Variants in HERC1 observed in about 807,000 individuals in gnomAD.
HERC1 encodes HECT and RLD domain containing E3 ubiquitin protein ligase family member 1.
Under a neutral mutation model 554.3 loss-of-function variants are expected in HERC1, and 160 were observed. That is an observed-to-expected ratio of 0.29 (90% CI 0.25 to 0.33). The LOEUF (loss-of-function observed/expected upper bound fraction) is 0.33, where lower values mean the gene tolerates loss of function less well. Ranked by LOEUF, HERC1 falls within the 10% of genes least tolerant of loss-of-function variation. HERC1 has a pLI of 1.00. For missense variants in HERC1, 4,919 were observed against 5,918.5 expected, an observed-to-expected ratio of 0.83 and a Z score of 5.54; for synonymous variants, 2,175 against 2,131.7, an observed-to-expected ratio of 1.02 and a Z score of -0.56.
rs35122568 is a variant in HERC1 at position 63,666,028 on chromosome 15, C to T, written c.8446G>A (p.Ala2816Thr). ...TTCCCGCCACTGCCTAGAACGGCTGCTCCAGGCCTAGAGTCTGCTGTGCTG... is the reference window on the plus strand; with the variant it reads ...TTCCCGCCACTGCCTAGAACGGCTGTTCCAGGCCTAGAGTCTGCTGTGCTG... ...SGSTADSRPGAAVLGSGGKSN... is the reference protein window; with the variant it reads ...SGSTADSRPGTAVLGSGGKSN... The change falls in exon 42 of 78, where the codon GCA (alanine) becomes ACA (threonine). Residue 2816 changes from alanine to threonine, a missense_variant. By Grantham distance (58) the Ala-to-Thr change is moderately conservative. Around this residue, in one of 11 missense-constraint regions of HERC1, gnomAD observed 1,963 missense variants for 2,228.6 expected, o/e 0.88. Coordinates refer to ENST00000443617, the MANE Select transcript of HERC1 (RefSeq NM_003922.4). 9.2e-4 allele frequency: 1,478 copies of T among 1,614,044 alleles called. 12 individuals are homozygous for T. The African/African-American group carries it at 0.017, about 19-fold the overall frequency.
chr15:63,637,192 G>A, intron 64 of HERC1: 1 of 489,286 alleles, frequency 2.0e-6, no homozygotes, highest in African/African-American at 1.9e-5. Flanking sequence ...TGAAATACAT[G>A]CATGATTGCT....
intron 25 of HERC1, among the ~76,000 whole-genome samples, chr15:63,705,777 C>G (rs1203763940): frequency 6.6e-6 from 1 of 152,046 alleles, no homozygotes; most frequent in African/African-American, 2.4e-5. Flanking sequence ...ATACAATAAT[C>G]CCAGCACTTT....
At position 63,727,533 on chromosome 15, in the gene HERC1, A is replaced by T. The variant is rs1200988064; in HGVS notation, c.3346+114T>A. 4.6e-6 allele frequency: 3 copies of T among 652,204 alleles called. No homozygotes were observed. The African/African-American group carries it at 5.4e-5, about 12-fold the overall frequency. 40.4% of individuals were successfully genotyped at this position (652,204 alleles called of 1,614,324 possible). A position where few individuals can be genotyped will look rare whatever the true frequency, so the allele number is the denominator to read the frequency against. ...AAAGCTTTTAAGATTTCAGTGATGA[A>T]ATTCCTTTGATAGCCTTAGGATAGA... On this transcript the variant is annotated intron_variant, in intron 17 of 77. Coordinates refer to ENST00000443617, the MANE Select transcript of HERC1 (RefSeq NM_003922.4). This position sits in a 1 kb window ranked among gnomAD's most constrained non-coding sequence, Gnocchi z 4.3.
At chr15:63,776,757 G>GGAGTTT (rs970335145) in intron 1 of HERC1, among the ~76,000 whole-genome samples, 30 of 152,106 alleles carry the variant, frequency 2.0e-4, no homozygotes, top group African/African-American at 7.0e-4. Context: ...CTTGAGCTCA[G>GGAGTTT]GAGTTTGAGA....
At chr15:63,795,264 TG>T (rs901390044) in intron 1 of HERC1, among the ~76,000 whole-genome samples, 13 of 152,092 alleles carry the variant, frequency 8.5e-5, no homozygotes, top group African/African-American at 3.1e-4. Flanking sequence ...CCTTTTTCAA[TG>T]GTTTTATTAA....
rs571268908 is a variant in HERC1 at position 63,657,263 on chromosome 15, T to G, written c.9600-905A>C. On this transcript the variant is annotated intron_variant, in intron 48 of 77. Coordinates refer to ENST00000443617, the MANE Select transcript of HERC1 (RefSeq NM_003922.4). ...ATTGGTGGGTTTTTTGTCTTAGGTT[T>G]TTTTTTTTTTTTTTTTGAGACAGGG... 3.0e-4 allele frequency among the ~76,000 whole-genome samples: 45 copies of G among 149,530 alleles called. No individual in the cohort carries two copies. In the East Asian group the frequency reaches 8.5e-3, roughly 28 times the overall value.
At chr15:63,634,386 G>A (rs528924596) in intron 66 of HERC1, among the ~76,000 whole-genome samples, 2 of 152,302 alleles carry the variant, frequency 1.3e-5, no homozygotes, top group South Asian at 4.1e-4. Context: ...CAGTGATGTT[G>A]CAATTCAGCC....
chr15:63,655,157 A>G (rs62014165), intron 50 of HERC1, among the ~76,000 whole-genome samples: 26,496 of 151,808 alleles, frequency 0.17, 2,517 homozygotes, highest in Middle Eastern at 0.22. Flanking sequence ...AGTTCAAGAC[A>G]AGCCTGGCCA....
At chr15:63,713,749 T>C (rs1218519601) in intron 22 of HERC1, 84 bp from the exon 23 acceptor site, 1 of 1,297,748 alleles carries the variant, frequency 7.7e-7, no homozygotes, top group African/African-American at 1.5e-5. Context: ...GTCAAAAAGT[T>C]TGGACCAAAA....
At chr15:63,790,918 T>C (rs546110104) in intron 1 of HERC1, among the ~76,000 whole-genome samples, 16 of 152,276 alleles carry the variant, frequency 1.1e-4, no homozygotes, top group Admixed American at 1.3e-4. Context: ...CCTATTATTC[T>C]TTTAATTTGG....
chr15:63,797,512 T>G (rs77619883), intron 1 of HERC1, among the ~76,000 whole-genome samples: 4,698 of 152,332 alleles, frequency 0.031, 234 homozygotes, highest in African/African-American at 0.11. Flanking sequence ...ACACCAGGAC[T>G]GTTTTTCACA....
chr15:63,749,631 A>G lies in HERC1; in HGVS notation c.2047+16T>C. The G allele has an allele frequency of 1.9e-6, 3 of 1,596,092 alleles. No individual in the cohort carries two copies. Among genetic ancestry groups the G allele is most frequent in the Non-Finnish European group, 1.7e-6 (2 of 1,171,048 alleles). ...ACAACAGTTAATACTATTTCCTTAA[A>G]AACAAATGACTTTACCATGAGAAAG... On this transcript the variant is annotated intron_variant, in intron 9 of 77. Transcript: ENST00000443617. The surrounding 1 kb of genome is among the most constrained non-coding windows in gnomAD (Gnocchi z 4.1).
intron 1 of HERC1, among the ~76,000 whole-genome samples, chr15:63,829,499 T>TATATATACAC (rs1336272062): frequency 1.9e-5 from 1 of 53,376 alleles, no homozygotes; most frequent in African/African-American, 5.8e-5. Flanking sequence ...TATATATATA[T>TATATATACAC]ACACACACAC....
intron 12 of HERC1, among the ~76,000 whole-genome samples, chr15:63,738,272 G>C (rs1187723860): frequency 1.3e-5 from 2 of 152,174 alleles, no homozygotes; most frequent in South Asian, 2.1e-4. Flanking sequence ...GAAAGACTAA[G>C]GAATTGTTGC....
intron 6 of HERC1, 88 bp from the exon 7 acceptor site, chr15:63,754,736 CT>C: frequency 7.9e-7 from 1 of 1,270,900 alleles, no homozygotes; most frequent in East Asian, 2.4e-5. Context: ...AATGTTACAA[CT>C]TTAAAATAGA....
At chr15:63,648,288 T>C in intron 54 of HERC1, 89 bp from the exon 55 acceptor site, 1 of 1,284,166 alleles carries the variant, frequency 7.8e-7, no homozygotes, top group Non-Finnish European at 1.1e-6. Context: ...CAAATAATGA[T>C]AATGCAACCA....
chr15:63,789,240 G>A lies in HERC1; in HGVS notation c.-26-13591C>T, dbSNP rs970420340. Among the ~76,000 whole-genome samples the A allele has an allele frequency of 6.0e-4, 89 of 148,000 alleles. 1 individual carries two copies. Among genetic ancestry groups the A allele is most frequent in the Non-Finnish European group, 9.7e-4 (65 of 66,930 alleles). On this transcript the variant is annotated intron_variant, in intron 1 of 77. Transcript: ENST00000443617. ...CAAGTAGCTGGGACTACAGGCGCCCGCCACTACGCCCGGCTAATTTTTTGT... is the reference window on the plus strand; with the variant it reads ...CAAGTAGCTGGGACTACAGGCGCCCACCACTACGCCCGGCTAATTTTTTGT...
At chr15:63,706,387 C>T (rs1043791894) in intron 25 of HERC1, among the ~76,000 whole-genome samples, 1 of 151,998 alleles carries the variant, frequency 6.6e-6, no homozygotes, top group East Asian at 1.9e-4. Flanking sequence ...AGAAGTTCTC[C>T]CTGTAACACC....
chr15:63,757,410 G>A (rs904404911), intron 4 of HERC1, among the ~76,000 whole-genome samples: 14 of 151,810 alleles, frequency 9.2e-5, no homozygotes, highest in African/African-American at 2.4e-4. Context: ...TTATAGGCAC[G>A]CGCCATCATG....
Sources: gnomAD v4.1 joint callset for allele counts (sites outside exome capture counted in the v4.1 genomes callset) on GRCh38, gnomAD v4.1.1 for gene constraint, gnomAD v4.1.1 regional missense constraint, Gnocchi (gnomAD v3.1) non-coding constraint, MANE v1.5 for transcripts, NCBI Gene and HGNC (gene_info 2026-07-23, HGNC 2026-07-21) for gene names.